LIFR: variants seen among roughly 807,000 people sequenced by gnomAD.
LIFR encodes leukemia inhibitory factor receptor.
In LIFR, 84 loss-of-function variants were observed where a neutral mutation model predicts 122.2. The observed-to-expected ratio is 0.69, with a 90% CI of 0.58 to 0.82. LIFR has a LOEUF of 0.82. Among genes scored for constraint, LIFR ranks in the 40% least tolerant of loss-of-function variants. LIFR has a pLI of 0.00. For synonymous variants in LIFR, 422 were observed against 434.7 expected (o/e 0.97, Z 0.36); for missense variants, 1,294 against 1,311.6 (o/e 0.99, Z 0.21).
At chr5:38,495,462 G>A (rs996903657) in intron 13 of LIFR, among the ~76,000 whole-genome samples, 2 of 152,098 alleles carry the variant, frequency 1.3e-5, no homozygotes, top group African/African-American at 4.8e-5. Flanking sequence ...TGCTGCCTGG[G>A]GTTTGTATCT....
intron 12 of LIFR, among the ~76,000 whole-genome samples, chr5:38,498,000 A>G (rs1006333401): frequency 6.6e-6 from 1 of 152,194 alleles, no homozygotes; most frequent in African/African-American, 2.4e-5. Context: ...CTTACTGTAT[A>G]AAAACAAATG....
At chr5:38,507,582 A>AG (rs386358054) in intron 7 of LIFR, among the ~76,000 whole-genome samples, 2 of 151,216 alleles carry the variant, frequency 1.3e-5, no homozygotes, top group Non-Finnish European at 3.0e-5. Flanking sequence ...AAAAAAAAAA[A>AG]GTGATAAATT....
intron 13 of LIFR, among the ~76,000 whole-genome samples, 197 bp downstream of exon 13, chr5:38,496,185 C>T (rs1253003706): frequency 6.6e-6 from 1 of 152,176 alleles, no homozygotes; most frequent in East Asian, 1.9e-4. Flanking sequence ...TTGTATCCAT[C>T]AGTGCACATG....
At chr5:38,586,374 T>C (rs1198556334) in intron 1 of LIFR, among the ~76,000 whole-genome samples, 2 of 151,964 alleles carry the variant, frequency 1.3e-5, no homozygotes, top group African/African-American at 4.8e-5. Flanking sequence ...ACACTTATAA[T>C]GTTTAAATAA....
At position 38,530,489 on chromosome 5, in the gene LIFR, A is replaced by G; in HGVS notation, c.142+17T>C. The G allele has an allele frequency of 6.2e-7, 1 of 1,604,780 alleles. No homozygotes were observed. The highest frequency in any genetic ancestry group is 8.5e-7 in the Non-Finnish European group (1 of 1,171,646). On this transcript the variant is annotated intron_variant, in intron 2 of 19. Coordinates refer to ENST00000453190, the MANE Select transcript of LIFR (RefSeq NM_001127671.2). ...AAACTGCAATCTGTTCATTCTCTGG[A>G]AGGCTGATGCACTTACCCTTTTTCT...
At chr5:38,579,810 A>G (rs778055360) in intron 1 of LIFR, among the ~76,000 whole-genome samples, 5 of 152,172 alleles carry the variant, frequency 3.3e-5, no homozygotes, top group Non-Finnish European at 5.9e-5. Flanking sequence ...GTGTTTTTAA[A>G]AATGTGATAT....
Position 38,482,152 on chromosome 5 carries a change from T to A in LIFR, c.2737A>T (p.Thr913Ser). The change falls in exon 20 of 20, where the codon ACT becomes TCT. Residue 913 changes from threonine to serine, a missense_variant. Thr to Ser is a moderately conservative substitution (Grantham distance 58). Coordinates refer to ENST00000453190, the MANE Select transcript of LIFR (RefSeq NM_001127671.2). ...CTPNNVEVLE[T>S]RSAFPKIEDT... ...TCTATTTTAGGAAATGCTGATCGAG[T>A]TTCCAGAACCTCAACATTATTTGGG... The A allele has an allele frequency of 6.3e-7, 1 of 1,584,642 alleles. No individual in the cohort carries two copies. The highest frequency in any genetic ancestry group is 8.5e-7 in the Non-Finnish European group (1 of 1,171,262).
intron 1 of LIFR, among the ~76,000 whole-genome samples, chr5:38,586,811 C>T (rs1290126911): frequency 6.6e-6 from 1 of 152,078 alleles, no homozygotes. Context: ...ATTGTTTCAA[C>T]TCGTTCTGCT....
Position 38,481,705 on chromosome 5 carries a change from A to T in LIFR, c.3184T>A (p.Ser1062Thr). The T allele has an allele frequency of 6.2e-7, 1 of 1,614,184 alleles. No homozygotes were observed. Among genetic ancestry groups the T allele is most frequent in the Non-Finnish European group, 8.5e-7 (1 of 1,180,012 alleles). ...SEIVSFGSPCSINSRQFLIPP... is the reference protein window; with the variant it reads ...SEIVSFGSPCTINSRQFLIPP... Reference sequence around the variant, plus strand: ...ATCAAAAATTGTCGGGAATTAATGGAGCATGGACTTCCAAATGAGACAATC... The same window carrying T: ...ATCAAAAATTGTCGGGAATTAATGGTGCATGGACTTCCAAATGAGACAATC... The change falls in exon 20 of 20, where the codon TCC (serine) becomes ACC (threonine). Residue 1062 changes from serine (S) to threonine (T), a missense_variant. Coordinates refer to ENST00000453190, the MANE Select transcript of LIFR (RefSeq NM_001127671.2).
intron 1 of LIFR, among the ~76,000 whole-genome samples, chr5:38,589,531 G>A (rs1306741790): frequency 2.6e-5 from 4 of 152,092 alleles, no homozygotes; most frequent in Non-Finnish European, 5.9e-5. Flanking sequence ...TCTTGAAAAT[G>A]CTATAAAATT....
In LIFR at chr5:38,556,456, G is replaced by A. The variant is rs1334023537; in HGVS notation, c.-142C>T. 6.6e-6 allele frequency: 1 copy of A among 152,084 alleles called. No homozygotes were observed. Among genetic ancestry groups the A allele is most frequent in the Non-Finnish European group, 1.5e-5 (1 of 68,186 alleles). 9.4% of individuals were successfully genotyped at this position (152,084 alleles called of 1,614,324 possible). A position where few individuals can be genotyped will look rare whatever the true frequency, so the allele number is the denominator to read the frequency against. On this transcript the variant is annotated 5_prime_UTR_variant, in exon 1 of 20. Transcript: ENST00000453190. ...GCAGGAGCCGCCAAGGAGGGGGCCG[G>A]GCACAATGCGCCGCCGCCTCCGCAG...
upstream of LIFR, among the ~76,000 whole-genome samples, chr5:38,595,849 C>T (rs1407654948): frequency 3.5e-5 from 5 of 144,592 alleles, no homozygotes; most frequent in Admixed American, 7.0e-5. Flanking sequence ...TCTCCTGCCT[C>T]AGCCTCCCGA....
intron 4 of LIFR, among the ~76,000 whole-genome samples, chr5:38,524,877 G>A (rs1746593713): frequency 6.6e-6 from 1 of 152,164 alleles, no homozygotes; most frequent in South Asian, 2.1e-4. Flanking sequence ...GGAAACCAGA[G>A]AAAATCCAGG....
Position 38,476,866 on chromosome 5 carries a change from TTC to T in LIFR, c.*4727_*4728del, listed in dbSNP as rs1272325340. The T allele has an allele frequency of 2.8e-5, 6 of 213,324 alleles. No individual in the cohort carries two copies. The highest frequency in any genetic ancestry group is 4.7e-5 in the Non-Finnish European group (5 of 105,564). The allele number at this position is 213,324 out of a possible 1,614,324, so 13.2% of individuals were successfully genotyped here. A position where few individuals can be genotyped will look rare whatever the true frequency, so the allele number is the denominator to read the frequency against. On this transcript the variant is annotated 3_prime_UTR_variant, in exon 20 of 20. Coordinates refer to ENST00000453190, the MANE Select transcript of LIFR (RefSeq NM_001127671.2). ...TTAGAATTTGTCTTGCATAGGTAAATTCTGTTTATAACATGGACTCTGATAAT... is the reference window on the plus strand; with the variant it reads ...TTAGAATTTGTCTTGCATAGGTAAATTGTTTATAACATGGACTCTGATAAT...
intron 1 of LIFR, among the ~76,000 whole-genome samples, chr5:38,589,173 T>A (rs1749844922): frequency 6.6e-6 from 1 of 151,916 alleles, no homozygotes; most frequent in African/African-American, 2.4e-5. Flanking sequence ...AATTTTTATT[T>A]TTTTTTTGTA....
chr5:38,537,190 C>G (rs1411539428), intron 1 of LIFR, among the ~76,000 whole-genome samples: 2 of 152,184 alleles, frequency 1.3e-5, no homozygotes, highest in Non-Finnish European at 2.9e-5. Flanking sequence ...TGTTTCAACA[C>G]ACAGTTCCAG....
intron 8 of LIFR, 87 bp downstream of exon 8, chr5:38,506,416 A>C: frequency 6.8e-7 from 1 of 1,474,466 alleles, no homozygotes; most frequent in Non-Finnish European, 9.5e-7. Context: ...TTGTAACATA[A>C]ATGATCTAGT....
intron 1 of LIFR, among the ~76,000 whole-genome samples, chr5:38,545,861 CAAAAAAAAAGAAAAAAA>C (rs1452083935): frequency 1.2e-4 from 7 of 59,652 alleles, no homozygotes; most frequent in Non-Finnish European, 3.2e-5. Context: ...GACTCCATCT[CAAAAAAAAAGAAAAAAA>C]AAAAAAAAAG....
intron 1 of LIFR, among the ~76,000 whole-genome samples, chr5:38,583,431 A>G (rs561629081): frequency 5.9e-5 from 9 of 152,166 alleles, no homozygotes; most frequent in Non-Finnish European, 8.8e-5. Context: ...GTTCAGGCTA[A>G]AAAAGCAAAA....
Sources: allele counts gnomAD v4.1 joint callset (sites outside exome capture counted in the v4.1 genomes callset), GRCh38; gene constraint gnomAD v4.1.1; transcripts MANE v1.5; gene names NCBI Gene and HGNC (gene_info 2026-07-23, HGNC 2026-07-21).